ASIC2: variants seen among roughly 807,000 people sequenced by gnomAD.
ASIC2 encodes the protein acid sensing ion channel subunit 2.
ASIC2 carries 25 observed loss-of-function variants against 57.3 expected under a neutral mutation model. The ratio of observed to expected loss-of-function variants is 0.44; its 90% confidence interval spans 0.32 to 0.61. The LOEUF (loss-of-function observed/expected upper bound fraction) is 0.61. ASIC2 is among the 20% of genes least tolerant of loss of function. The probability of loss-of-function intolerance (pLI) is 0.06; values close to 1 mark genes in which losing one functional copy is unlikely to be tolerated. For missense variants in ASIC2, 641 were observed against 738.1 expected (o/e 0.87, Z 1.52); for synonymous variants, 319 against 307.5 (o/e 1.04, Z -0.39).
chr17:33,049,250 A>G (rs1406625896), intron 3 of ASIC2, among the ~76,000 whole-genome samples: 2 of 152,182 alleles, frequency 1.3e-5, no homozygotes, highest in African/African-American at 4.8e-5. Flanking sequence ...ATTTGGGAGT[A>G]GCATGGTGTG....
At chr17:33,099,109 C>T (rs1412838934) in intron 2 of ASIC2, among the ~76,000 whole-genome samples, 1 of 151,986 alleles carries the variant, frequency 6.6e-6, no homozygotes, top group African/African-American at 2.4e-5. Context: ...TCTCCTGCAT[C>T]AACTGCCCGA....
intron 3 of ASIC2, among the ~76,000 whole-genome samples, chr17:33,076,777 G>A (rs1246121859): frequency 6.6e-6 from 1 of 152,160 alleles, no homozygotes; most frequent in Middle Eastern, 3.2e-3. Flanking sequence ...ACTGTTGCAG[G>A]GGGTGGGGGA....
At chr17:33,202,124 C>T (rs893640934) in intron 1 of ASIC2, among the ~76,000 whole-genome samples, 1 of 152,068 alleles carries the variant, frequency 6.6e-6, no homozygotes, top group Admixed American at 6.5e-5. Context: ...TGGGTAAAGC[C>T]AAGAACCCAT....
rs149760687 is a variant in ASIC2, at chr17:34,030,656, C to T, written c.555+125322G>A. 2.0e-4 allele frequency among the ~76,000 whole-genome samples: 30 copies of T among 152,340 alleles called. No individual in the cohort carries two copies. The East Asian group carries it at 5.8e-3, about 29-fold the overall frequency. Reference sequence around the variant, plus strand: ...CCTGGAAAATCGGGTCACTCCCACCCTAATACTGCGCTTTTCCAATGGGCT... The same window carrying T: ...CCTGGAAAATCGGGTCACTCCCACCTTAATACTGCGCTTTTCCAATGGGCT... On this transcript the variant is annotated intron_variant, in intron 1 of 9. Coordinates refer to the ASIC2 transcript ENST00000359872.
intron 1 of ASIC2, among the ~76,000 whole-genome samples, chr17:33,992,916 G>A (rs1906045689): frequency 6.6e-6 from 1 of 152,170 alleles, no homozygotes; most frequent in Non-Finnish European, 1.5e-5. Flanking sequence ...GTTAGAAAGT[G>A]TCCCGAGTAG....
chr17:33,197,961 C>T (rs1443292318), intron 1 of ASIC2, among the ~76,000 whole-genome samples: 1 of 152,152 alleles, frequency 6.6e-6, no homozygotes, highest in Non-Finnish European at 1.5e-5. Context: ...TCGTCCTGGG[C>T]CTCACAGATG....
chr17:34,068,304 G>A (rs756825240), intron 1 of ASIC2, among the ~76,000 whole-genome samples: 7 of 152,288 alleles, frequency 4.6e-5, no homozygotes, highest in Non-Finnish European at 7.4e-5. Context: ...GGTCTGCCTC[G>A]ACTTAGGGTT....
chr17:34,013,397 C>A (rs1204630973), intron 1 of ASIC2, among the ~76,000 whole-genome samples: 1 of 152,208 alleles, frequency 6.6e-6, no homozygotes, highest in Non-Finnish European at 1.5e-5. Context: ...CCTGGGGCAG[C>A]TCCTACAGTT....
chr17:33,239,068 C>A (rs1420987922), intron 1 of ASIC2, among the ~76,000 whole-genome samples: 1 of 151,948 alleles, frequency 6.6e-6, no homozygotes, highest in Non-Finnish European at 1.5e-5. Context: ...CCGAGGCAGG[C>A]GGATCACAAG....
chr17:34,096,622 A>T (rs1167046108), intron 1 of ASIC2, among the ~76,000 whole-genome samples: 1 of 152,084 alleles, frequency 6.6e-6, no homozygotes, highest in Non-Finnish European at 1.5e-5. Context: ...TGGGAGGCCC[A>T]GGCAGGCGGA....
At chr17:33,739,616 A>G (rs1910031784) in intron 1 of ASIC2, among the ~76,000 whole-genome samples, 1 of 152,180 alleles carries the variant, frequency 6.6e-6, no homozygotes. Context: ...TAAAAGCTGC[A>G]CTTGGCCTCT....
chr17:33,612,301 A>C (rs1905436907), intron 1 of ASIC2, among the ~76,000 whole-genome samples: 1 of 152,204 alleles, frequency 6.6e-6, no homozygotes. Context: ...ATTGGTCATC[A>C]CAAAGGGCTG....
At chr17:33,391,499 T>A (rs1055057532) in intron 1 of ASIC2, among the ~76,000 whole-genome samples, 1 of 152,204 alleles carries the variant, frequency 6.6e-6, no homozygotes, top group Non-Finnish European at 1.5e-5. Context: ...AAGCAAAAAG[T>A]TTTTTACAAT....
rs145781407 is a variant in ASIC2, at chr17:34,030,689, C to T, written c.555+125289G>A. On this transcript the variant is annotated intron_variant, in intron 1 of 9. Transcript: ENST00000359872. ...GCGCTTTTCCAATGGGCTTAAACAA[C>T]GGCACACCAGGAGATTATATCAAGC... Among the ~76,000 whole-genome samples the T allele has an allele frequency of 1.1e-4, 17 of 152,282 alleles. 1 individual carries two copies. Among genetic ancestry groups the T allele is most frequent in the Middle Eastern group, 3.4e-3 (1 of 294 alleles).
At position 33,508,612 on chromosome 17, in the gene ASIC2, G is replaced by C. The variant is rs1318530001; in HGVS notation, c.556-396545C>G. On this transcript the variant is annotated intron_variant, in intron 1 of 9. Transcript: ENST00000359872. ...AGGGTAAAGGCAGGAGAGTACATTT[G>C]AGAAAGGCATTCCTGAGAAGTCAGG... 2.6e-5 allele frequency among the ~76,000 whole-genome samples: 4 copies of C among 152,222 alleles called. No homozygotes were observed. The East Asian group carries it at 7.7e-4, about 29-fold the overall frequency.
At chr17:33,880,111 T>C (rs1914662504) in intron 1 of ASIC2, among the ~76,000 whole-genome samples, 1 of 152,294 alleles carries the variant, frequency 6.6e-6, no homozygotes, top group African/African-American at 2.4e-5. Flanking sequence ...AAGCAGTGTG[T>C]AGAGGGAAAT....
At chr17:33,798,190 G>C (rs1038696726) in intron 1 of ASIC2, among the ~76,000 whole-genome samples, 2 of 152,168 alleles carry the variant, frequency 1.3e-5, no homozygotes, top group Non-Finnish European at 2.9e-5. Context: ...AACAAAAATT[G>C]AAAAGGGCAA....
chr17:33,620,717 GA>G (rs1905765704), intron 1 of ASIC2, among the ~76,000 whole-genome samples: 1 of 152,304 alleles, frequency 6.6e-6, no homozygotes. Flanking sequence ...TAGAAAAGAT[GA>G]TTCTTGATGA....
chr17:33,416,104 C>T (rs8080715), intron 1 of ASIC2, among the ~76,000 whole-genome samples: 16,073 of 152,184 alleles, frequency 0.11, 927 homozygotes, highest in Middle Eastern at 0.14. Context: ...GCTGTTAGCA[C>T]ATGAGAGTTG....
Sources: allele counts gnomAD v4.1 joint callset (sites outside exome capture counted in the v4.1 genomes callset), GRCh38; gene constraint gnomAD v4.1.1; transcripts MANE v1.5; gene names NCBI Gene and HGNC (gene_info 2026-07-23, HGNC 2026-07-21).